The following SEMA4A variants were observed in gnomAD, a reference collection of about 807,000 sequenced individuals.
SEMA4A encodes the protein semaphorin-4A.
SEMA4A carries 52 observed loss-of-function variants against 72.5 expected under a neutral mutation model. That is an observed-to-expected ratio of 0.72 (90% CI 0.57 to 0.90). The LOEUF (loss-of-function observed/expected upper bound fraction) is 0.90. SEMA4A is among the 40% of genes least tolerant of loss of function. The pLI is 0.00. For synonymous variants in SEMA4A, 369 were observed against 393.1 expected (o/e 0.94, Z 0.73); for missense variants, 926 against 959.7 (o/e 0.96, Z 0.46).
upstream of SEMA4A, among the ~76,000 whole-genome samples, chr1:156,148,801 C>CTTTTTT (rs371528689): frequency 3.9e-5 from 5 of 128,750 alleles, no homozygotes; most frequent in East Asian, 2.2e-4. Flanking sequence ...TTTCTTTTTT[C>CTTTTTT]TTTTTTTTTT....
upstream of SEMA4A, among the ~76,000 whole-genome samples, chr1:156,152,974 G>A (rs1316316674): frequency 6.6e-6 from 1 of 152,020 alleles, no homozygotes; most frequent in East Asian, 1.9e-4. Flanking sequence ...CTTTAGGGAG[G>A]GGTGAGCAGC....
intron 10 of SEMA4A, among the ~76,000 whole-genome samples, chr1:156,164,451 C>T (rs1653975184): frequency 6.6e-6 from 1 of 152,126 alleles, no homozygotes; most frequent in African/African-American, 2.4e-5. Context: ...TGTTTTTGCC[C>T]ATCTTTTTCC....
intron 10 of SEMA4A, among the ~76,000 whole-genome samples, chr1:156,166,407 T>C (rs1456057104): frequency 2.0e-5 from 3 of 152,204 alleles, no homozygotes; most frequent in African/African-American, 7.2e-5. Context: ...GCAGGGAATA[T>C]AGAAGTGAGC....
upstream of SEMA4A, among the ~76,000 whole-genome samples, chr1:156,148,801 CTTTTTTTT>C (rs371528689): frequency 3.1e-5 from 4 of 128,740 alleles, no homozygotes; most frequent in East Asian, 2.2e-4. Flanking sequence ...TTTCTTTTTT[CTTTTTTTT>C]TTTTTTTTTT....
At chr1:156,167,103 C>T (rs935991393) in intron 10 of SEMA4A, among the ~76,000 whole-genome samples, 2 of 151,888 alleles carry the variant, frequency 1.3e-5, no homozygotes, top group African/African-American at 4.8e-5. Flanking sequence ...GTCTCAAACT[C>T]ATGGGTTCAA....
At chr1:156,149,513 G>A (rs889027041), upstream of SEMA4A, among the ~76,000 whole-genome samples, 3 of 152,166 alleles carry the variant, frequency 2.0e-5, no homozygotes, top group Non-Finnish European at 2.9e-5. Flanking sequence ...AATAGAAGAG[G>A]GCTCCTTGGG....
At position 156,160,916 on chromosome 1, in the gene SEMA4A, T is replaced by C. The variant is rs1041225246; in HGVS notation, c.697T>C (p.Phe233Leu). 6.2e-7 allele frequency: 1 copy of C among 1,613,182 alleles called. No homozygotes were observed. The change falls in exon 8 of 15, where the codon TTT (phenylalanine) becomes CTT (leucine). Residue 233 changes from phenylalanine to leucine, a missense_variant. Coordinates refer to ENST00000368285, the MANE Select transcript of SEMA4A (RefSeq NM_022367.4). ...FLRWLHHDAS[F>L]VAAIPSTQVV... ...CCCCTCCCCCGCAGATGACGCCTCC[T>C]TTGTGGCAGCCATCCCTTCGACCCA...
In SEMA4A at chr1:156,172,926, G is replaced by A. The variant is rs1333190142; in HGVS notation, c.1235G>A (p.Gly412Asp). Reference protein sequence around the residue: ...VVGTPLLVKSGVEYTRLAVET... With the variant: ...VVGTPLLVKSDVEYTRLAVET... Reference sequence around the variant, plus strand: ...GGGACGCCCCTGCTGGTGAAATCTGGCGTGGAGTATACACGGCTTGCAGTG... The same window carrying A: ...GGGACGCCCCTGCTGGTGAAATCTGACGTGGAGTATACACGGCTTGCAGTG... Residue 412 changes from glycine (G) to aspartate (D), a missense_variant, in exon 11 of 15, where the codon GGC becomes GAC. Gly to Asp is a moderately conservative substitution (Grantham distance 94). Coordinates refer to ENST00000368285, the MANE Select transcript of SEMA4A (RefSeq NM_022367.4). 1.2e-6 allele frequency: 2 copies of A among 1,614,148 alleles called. No individual in the cohort carries two copies. The highest frequency in any genetic ancestry group is 3.3e-5 in the Admixed American group (2 of 60,022).
In SEMA4A at chr1:156,158,155, G is replaced by T. The variant is rs777008082; in HGVS notation, c.363+23G>T. ...GAGGTAAGTGGAGGTGGGGGAGTAG[G>T]GGTAGAGTGGGTAGAGAGCTCTGGC... On this transcript the variant is annotated intron_variant, in intron 4 of 14. Transcript: ENST00000368285. 9 of 1,611,412 alleles carry T rather than the reference G, an allele frequency of 5.6e-6. No homozygotes were observed. The African/African-American group carries it at 1.2e-4, about 22-fold the overall frequency.
upstream of SEMA4A, among the ~76,000 whole-genome samples, chr1:156,149,362 C>T (rs1005091650): frequency 3.9e-5 from 6 of 152,184 alleles, no homozygotes; most frequent in African/African-American, 1.4e-4. Flanking sequence ...CAGCACAAAC[C>T]TTCCCCTTTT....
At chr1:156,150,878 C>T (rs189285005), upstream of SEMA4A, among the ~76,000 whole-genome samples, 23 of 152,170 alleles carry the variant, frequency 1.5e-4, no homozygotes, top group East Asian at 4.3e-3. Flanking sequence ...CATGGCAGGA[C>T]CCAGGGCTGG....
intron 7 of SEMA4A, 75 bp downstream of exon 7, chr1:156,160,634 G>T: frequency 7.5e-7 from 1 of 1,336,026 alleles, no homozygotes. Flanking sequence ...TTTCATTTGC[G>T]GAAGGTACAA....
At chr1:156,155,923 C>T (rs1002831891) in intron 2 of SEMA4A, 2 of 230,114 alleles carry the variant, frequency 8.7e-6, no homozygotes, top group Admixed American at 5.2e-5. Flanking sequence ...CCTCTCTGTT[C>T]GTGGTGACTC....
chr1:156,173,051 G>T, intron 11 of SEMA4A, 45 bp downstream of exon 11: 1 of 1,587,676 alleles, frequency 6.3e-7, no homozygotes, highest in Non-Finnish European at 8.6e-7. Flanking sequence ...CTAGAGCAGA[G>T]GATGCCCCCA....
upstream of SEMA4A, among the ~76,000 whole-genome samples, chr1:156,149,030 G>A (rs1161293012): frequency 6.6e-6 from 1 of 152,088 alleles, no homozygotes; most frequent in East Asian, 1.9e-4. Flanking sequence ...TCGAACTCCT[G>A]ACCTCAGGTG....
chr1:156,161,033 C>G lies in SEMA4A; in HGVS notation c.810+4C>G. 1.2e-6 allele frequency: 2 copies of G among 1,606,418 alleles called. No homozygotes were observed. Among genetic ancestry groups the G allele is most frequent in the East Asian group, 4.5e-5 (2 of 44,700 alleles). ...GCGGGTGGCTAGAGTCTGCAAGGTC[C>G]GCGGCCTGGGCGGGGGGCGGGGCTA... On this transcript the variant is annotated splice_donor_region_variant and intron_variant, in intron 8 of 14. Coordinates refer to ENST00000368285, the MANE Select transcript of SEMA4A (RefSeq NM_022367.4).
intron 6 of SEMA4A, 185 bp downstream of exon 6, chr1:156,159,009 G>A: frequency 5.1e-6 from 3 of 592,724 alleles, no homozygotes; most frequent in African/African-American, 1.9e-5. Flanking sequence ...AGTCTAGCCT[G>A]GGCAACACAG....
At position 156,158,726 on chromosome 1, in the gene SEMA4A, A is replaced by C. The variant is rs955157779; in HGVS notation, c.470A>C (p.Gln157Pro). ...FSPACTFIEL[Q>P]DSYLLPISED... ...GCCTCTCTCCCCATTTAGGAACTTC[A>C]AGATTCCTACCTGTTGCCCATCTCG... Residue 157 changes from glutamine to proline, a missense_variant, in exon 6 of 15, where the codon CAA (glutamine) becomes CCA (proline). Gln to Pro is a moderately conservative substitution (Grantham distance 76). Transcript: ENST00000368285. 6.2e-7 allele frequency: 1 copy of C among 1,612,890 alleles called. No individual in the cohort carries two copies. The highest frequency in any genetic ancestry group is 8.5e-7 in the Non-Finnish European group (1 of 1,179,258).
intron 10 of SEMA4A, among the ~76,000 whole-genome samples, chr1:156,168,072 C>A (rs767074757): frequency 6.6e-6 from 1 of 151,906 alleles, no homozygotes; most frequent in African/African-American, 2.4e-5. Context: ...AGGCGTGCGC[C>A]GCCACAGCAC....
Sources: allele counts gnomAD v4.1 joint callset (sites outside exome capture counted in the v4.1 genomes callset), GRCh38; gene constraint gnomAD v4.1.1; transcripts MANE v1.5; gene names NCBI Gene and HGNC (gene_info 2026-07-23, HGNC 2026-07-21).